Variants in NDUFAF6 observed in about 807,000 individuals in gnomAD.
The protein encoded by NDUFAF6 is NADH dehydrogenase (ubiquinone) complex I, assembly factor 6.
In NDUFAF6, 45 loss-of-function variants were observed where a neutral mutation model predicts 40.8. The observed-to-expected ratio is 1.10, with a 90% CI of 0.87 to 1.42. The LOEUF is 1.42. NDUFAF6 is among the 40% of genes most tolerant of loss of function. NDUFAF6 has a pLI of 0.00. For synonymous variants in NDUFAF6, 185 were observed against 155.9 expected (o/e 1.19, Z -1.39); for missense variants, 435 against 418.5 (o/e 1.04, Z -0.34).
chr8:94,995,843 T>C (rs1826404592), intron 2 of NDUFAF6, among the ~76,000 whole-genome samples: 3 of 152,204 alleles, frequency 2.0e-5, no homozygotes, highest in Admixed American at 6.5e-5. Flanking sequence ...AGTGGTGCGA[T>C]CTCAGCTTAC....
intron 2 of NDUFAF6, among the ~76,000 whole-genome samples, chr8:94,985,509 A>T (rs1373532378): frequency 5.6e-4 from 3 of 5,344 alleles, no homozygotes; most frequent in African/African-American, 2.1e-3. Context: ...ATATATATAT[A>T]TATATATTTT....
chr8:95,102,869 G>C (rs918919389), intron 2 of NDUFAF6: 2 of 152,094 alleles, frequency 1.3e-5, no homozygotes, highest in Admixed American at 6.6e-5. Context: ...AATACTTTGG[G>C]GCCCAGCTAG....
chr8:94,984,790 A>C (rs2131593356), intron 2 of NDUFAF6, among the ~76,000 whole-genome samples: 1 of 152,272 alleles, frequency 6.6e-6, no homozygotes, highest in South Asian at 2.1e-4. Context: ...GAAGGTGTAG[A>C]GTGAGTTTGG....
chr8:94,940,059 T>A (rs374997492), intron 1 of NDUFAF6: 1 of 1,614,224 alleles, frequency 6.2e-7, no homozygotes, highest in Non-Finnish European at 8.5e-7. Flanking sequence ...CTCTCCTCCA[T>A]TGGACATGAC....
chr8:95,078,501 C>A (rs1471821043), downstream of NDUFAF6: 1 of 151,746 alleles, frequency 6.6e-6, no homozygotes, highest in Non-Finnish European at 1.5e-5. Flanking sequence ...AGAAAATTAG[C>A]CCGGCATGAT....
chr8:94,934,422 G>C (rs1429989362), intron 1 of NDUFAF6, among the ~76,000 whole-genome samples: 2 of 146,490 alleles, frequency 1.4e-5, no homozygotes, highest in Admixed American at 6.9e-5. Flanking sequence ...GCCTTGCTTT[G>C]TCACCCAGGC....
At chr8:95,015,768 C>T (rs899637852) in intron 2 of NDUFAF6, among the ~76,000 whole-genome samples, 5 of 152,010 alleles carry the variant, frequency 3.3e-5, no homozygotes, top group Non-Finnish European at 5.9e-5. Context: ...TGATAAGTAC[C>T]AAGAAGGAAA....
downstream of NDUFAF6, chr8:95,078,613 T>A (rs1401571870): frequency 6.7e-6 from 1 of 149,368 alleles, no homozygotes; most frequent in East Asian, 2.0e-4. Flanking sequence ...GCCACTGCAT[T>A]CCAGCCTGGG....
chr8:95,058,792 T>C, downstream of NDUFAF6: 3 of 985,974 alleles, frequency 3.0e-6, no homozygotes, highest in Non-Finnish European at 3.6e-6. Context: ...CTCATTTGGT[T>C]TTCCTAAAAA....
chr8:95,021,045 C>T (rs1461338973), upstream of NDUFAF6, among the ~76,000 whole-genome samples: 8 of 152,134 alleles, frequency 5.3e-5, no homozygotes, highest in East Asian at 1.9e-4. Flanking sequence ...CCTTGGGTTG[C>T]GGCTTACTTT....
At chr8:94,997,343 C>CACACACACACAGAGAG (rs1242904810) in intron 2 of NDUFAF6, among the ~76,000 whole-genome samples, 17 of 90,572 alleles carry the variant, frequency 1.9e-4, no homozygotes, top group South Asian at 4.7e-4. Flanking sequence ...CACACACACA[C>CACACACACACAGAGAG]AGAGAGAGAG....
chr8:95,035,362 C>T (rs982445300), intron 2 of NDUFAF6, 92 bp from the exon 3 acceptor site: 21 of 1,324,910 alleles, frequency 1.6e-5, no homozygotes, highest in African/African-American at 8.7e-5. Flanking sequence ...TAATACAGAA[C>T]AGTTACATTA....
intron 1 of NDUFAF6, among the ~76,000 whole-genome samples, chr8:94,916,887 G>C (rs1350831257): frequency 6.7e-6 from 1 of 149,106 alleles, no homozygotes; most frequent in Non-Finnish European, 1.5e-5. Context: ...GGCCTAGGCA[G>C]GCGAATCACG....
At chr8:95,028,874 A>G (rs893477736) in intron 1 of NDUFAF6, among the ~76,000 whole-genome samples, 1 of 152,236 alleles carries the variant, frequency 6.6e-6, no homozygotes, top group Non-Finnish European at 1.5e-5. Context: ...AATTTAAAAA[A>G]TGTCAACTAT....
chr8:95,045,473 CA>C (rs1443533336), intron 4 of NDUFAF6, 71 bp from the exon 5 acceptor site: 5 of 1,055,218 alleles, frequency 4.7e-6, no homozygotes, highest in South Asian at 1.3e-5. Flanking sequence ...TTCTTTGGGG[CA>C]AAAAACAGCA....
Position 95,058,285 on chromosome 8 carries a change from G to A in NDUFAF6, c.*348G>A. On this transcript the variant is annotated 3_prime_UTR_variant, in exon 9 of 9. Transcript: ENST00000396124. ...ATGTCATTCTCCCTTCACCACTGGG[G>A]AAGGAAAGGGGAAAGGGCTCAAGTT... 2 of 1,288,636 alleles carry A rather than the reference G, an allele frequency of 1.6e-6. No homozygotes were observed. The highest frequency in any genetic ancestry group is 2.0e-6 in the Non-Finnish European group (2 of 1,022,266). The allele number at this position is 1,288,636 out of a possible 1,614,324, so 79.8% of individuals were successfully genotyped here.
At chr8:94,978,584 G>A (rs1296331701) in intron 1 of NDUFAF6, among the ~76,000 whole-genome samples, 2 of 151,976 alleles carry the variant, frequency 1.3e-5, no homozygotes, top group African/African-American at 2.4e-5. Context: ...GCTTGGAGGT[G>A]CACGCCTATA....
At chr8:94,976,818 A>G (rs1414014226) in intron 1 of NDUFAF6, among the ~76,000 whole-genome samples, 1 of 152,170 alleles carries the variant, frequency 6.6e-6, no homozygotes, top group Admixed American at 6.6e-5. Flanking sequence ...GTTTCACAAC[A>G]ATGCGAATGT....
intron 2 of NDUFAF6, among the ~76,000 whole-genome samples, chr8:94,993,967 G>A (rs1826305500): frequency 6.6e-6 from 1 of 152,120 alleles, no homozygotes; most frequent in Admixed American, 6.6e-5. Context: ...AAGGGGAAAA[G>A]GTCTTCTGGG....
Sources: allele counts gnomAD v4.1 joint callset (sites outside exome capture counted in the v4.1 genomes callset), GRCh38; gene constraint gnomAD v4.1.1; transcripts MANE v1.5; gene names NCBI Gene and HGNC (gene_info 2026-07-23, HGNC 2026-07-21).